KCND2: variants seen among roughly 807,000 people sequenced by gnomAD.
KCND2 encodes the protein potassium voltage-gated channel subfamily D member 2, also known as A-type voltage-gated potassium channel KCND2.
In KCND2, 16 loss-of-function variants were observed where a neutral mutation model predicts 54.4. The ratio of observed to expected loss-of-function variants is 0.29; its 90% CI spans 0.20 to 0.45. The LOEUF is 0.45. Among genes scored for constraint, KCND2 ranks in the 20% least tolerant of loss-of-function variants. The pLI, the probability that KCND2 is intolerant of heterozygous loss-of-function variation, is 1.00. For synonymous variants in KCND2, 317 were observed against 310.7 expected, an observed-to-expected ratio of 1.02 and a Z score of -0.21; for missense variants, 486 against 824.2, an observed-to-expected ratio of 0.59 and a Z score of 5.02.
chr7:120,694,803 C>T (rs1478699014), intron 1 of KCND2, among the ~76,000 whole-genome samples: 1 of 152,146 alleles, frequency 6.6e-6, no homozygotes, highest in Non-Finnish European at 1.5e-5. Flanking sequence ...AACCCATTAC[C>T]TGTCTGTGCA....
rs78114358 is a variant in KCND2, at chr7:120,415,101, A to T, written c.1115+139354A>T. On this transcript the variant is annotated intron_variant, in intron 1 of 5. Transcript: ENST00000331113. ...TAACAATGTACATTAAACTACTACC[A>T]CTATAACTACTTTATATTTGTTAGC... 1.4e-3 allele frequency among the ~76,000 whole-genome samples: 206 copies of T among 152,280 alleles called. 1 individual carries two copies. The highest frequency in any genetic ancestry group is 6.8e-3 in the Middle Eastern group (2 of 294).
At chr7:120,566,166 T>C (rs748573328) in intron 1 of KCND2, among the ~76,000 whole-genome samples, 1 of 152,176 alleles carries the variant, frequency 6.6e-6, no homozygotes, top group Non-Finnish European at 1.5e-5. Flanking sequence ...TTAATAATAT[T>C]TTACCCTGAA....
intron 1 of KCND2, among the ~76,000 whole-genome samples, chr7:120,588,402 AGTGTGTGTGTGTGTGTGT>A (rs3993713): frequency 1.4e-5 from 2 of 141,314 alleles, no homozygotes; most frequent in African/African-American, 5.3e-5. Flanking sequence ...GCAACTGTGC[AGTGTGTGTGTGTGTGTGT>A]GTGTGTGTGT....
chr7:120,337,372 T>C (rs1407664763), intron 1 of KCND2, among the ~76,000 whole-genome samples: 1 of 152,166 alleles, frequency 6.6e-6, no homozygotes, highest in African/African-American at 2.4e-5. Context: ...AAACCTAAGA[T>C]GTATGTAAAA....
chr7:120,363,032 G>A (rs983443992), intron 1 of KCND2, among the ~76,000 whole-genome samples: 1 of 152,018 alleles, frequency 6.6e-6, no homozygotes, highest in Admixed American at 6.6e-5. Flanking sequence ...GCAGGGTGTC[G>A]TGGCTCACAT....
intron 1 of KCND2, among the ~76,000 whole-genome samples, chr7:120,345,771 C>T (rs1417842226): frequency 4.6e-5 from 7 of 152,188 alleles, no homozygotes; most frequent in African/African-American, 1.7e-4. Flanking sequence ...GTTGCTTTCA[C>T]ATTTTGGTGA....
At chr7:120,728,825 G>T (rs1366136666) in intron 1 of KCND2, among the ~76,000 whole-genome samples, 1 of 151,904 alleles carries the variant, frequency 6.6e-6, no homozygotes, top group Non-Finnish European at 1.5e-5. Context: ...ACTGGGCTTA[G>T]CATAAATTTA....
intron 1 of KCND2, among the ~76,000 whole-genome samples, chr7:120,281,764 A>G (rs1290623372): frequency 6.6e-6 from 1 of 152,162 alleles, no homozygotes; most frequent in Non-Finnish European, 1.5e-5. Context: ...TGTGTTGCTG[A>G]TCATGGTGTG....
chr7:120,341,820 G>C (rs1271539628), intron 1 of KCND2, among the ~76,000 whole-genome samples: 2 of 152,012 alleles, frequency 1.3e-5, no homozygotes, highest in Admixed American at 6.6e-5. Flanking sequence ...AAATAGTTGA[G>C]AAACAAGGAG....
intron 1 of KCND2, among the ~76,000 whole-genome samples, chr7:120,541,513 C>T (rs1163196797): frequency 6.6e-6 from 1 of 151,974 alleles, no homozygotes; most frequent in African/African-American, 2.4e-5. Context: ...GAAAGAAAGA[C>T]CAGAGAGTTT....
intron 1 of KCND2, among the ~76,000 whole-genome samples, chr7:120,316,154 C>T (rs1799808538): frequency 6.6e-6 from 1 of 152,054 alleles, no homozygotes; most frequent in Non-Finnish European, 1.5e-5. Context: ...TTTTAGAAAC[C>T]TAAAAGAAAA....
At chr7:120,488,217 G>C (rs145326280) in intron 1 of KCND2, among the ~76,000 whole-genome samples, 1 of 152,002 alleles carries the variant, frequency 6.6e-6, no homozygotes, top group Admixed American at 6.6e-5. Flanking sequence ...TATTCATTAT[G>C]AAAAAACCCA....
chr7:120,703,359 C>G (rs1212346532), intron 1 of KCND2, among the ~76,000 whole-genome samples: 1 of 152,172 alleles, frequency 6.6e-6, no homozygotes, highest in Non-Finnish European at 1.5e-5. Context: ...TGCCATCAAC[C>G]TCCAGATGGT....
intron 1 of KCND2, among the ~76,000 whole-genome samples, chr7:120,459,719 A>AT (rs1802255472): frequency 6.6e-6 from 1 of 152,232 alleles, no homozygotes; most frequent in South Asian, 2.1e-4. Context: ...CAAATGAAGG[A>AT]TAAAAACACA....
chr7:120,628,909 T>C (rs1275877741), intron 1 of KCND2, among the ~76,000 whole-genome samples: 1 of 152,214 alleles, frequency 6.6e-6, no homozygotes, highest in Non-Finnish European at 1.5e-5. Context: ...TATCTGTCGA[T>C]GAAACCACAG....
At chr7:120,649,262 C>T (rs1791694644) in intron 1 of KCND2, among the ~76,000 whole-genome samples, 1 of 151,762 alleles carries the variant, frequency 6.6e-6, no homozygotes, top group Non-Finnish European at 1.5e-5. Flanking sequence ...ATTACTCACA[C>T]ATTAGCACTG....
At chr7:120,687,189 T>TC (rs1259462153) in intron 1 of KCND2, among the ~76,000 whole-genome samples, 1 of 152,070 alleles carries the variant, frequency 6.6e-6, no homozygotes, top group Non-Finnish European at 1.5e-5. Flanking sequence ...GTTCTTCTTC[T>TC]CCCCCTAACT....
intron 1 of KCND2, among the ~76,000 whole-genome samples, chr7:120,413,874 T>C (rs1801486433): frequency 6.6e-6 from 1 of 151,960 alleles, no homozygotes; most frequent in African/African-American, 2.4e-5. Context: ...GATGCTTTTA[T>C]GGCATTAGCA....
At chr7:120,533,360 T>A (rs1199515323) in intron 1 of KCND2, among the ~76,000 whole-genome samples, 1 of 152,144 alleles carries the variant, frequency 6.6e-6, no homozygotes, top group Non-Finnish European at 1.5e-5. Context: ...TTTGAGATTA[T>A]CTTAACATTT....
Sources: gnomAD v4.1 joint callset for allele counts (sites outside exome capture counted in the v4.1 genomes callset) on GRCh38, gnomAD v4.1.1 for gene constraint, MANE v1.5 for transcripts, NCBI Gene and HGNC (gene_info 2026-07-23, HGNC 2026-07-21) for gene names.